Variants in ADPGK observed in about 807,000 individuals in gnomAD.
The protein encoded by ADPGK is ADP-dependent glucokinase.
Under a neutral mutation model 42.4 loss-of-function variants are expected in ADPGK, and 26 were observed. The observed-to-expected ratio is 0.61, with a 90% CI of 0.45 to 0.85. The LOEUF (loss-of-function observed/expected upper bound fraction) is 0.85, where lower values mean the gene tolerates loss of function less well. Among genes scored for constraint, ADPGK ranks in the 40% least tolerant of loss-of-function variants. ADPGK has a pLI of 0.00. For missense variants in ADPGK, 571 were observed against 627.0 expected, an observed-to-expected ratio of 0.91 and a Z score of 0.95; for synonymous variants, 267 against 252.6, an observed-to-expected ratio of 1.06 and a Z score of -0.54.
chr15:72,759,080 G>A (rs908831545), intron 4 of ADPGK, among the ~76,000 whole-genome samples: 3 of 152,164 alleles, frequency 2.0e-5, no homozygotes, highest in African/African-American at 7.2e-5. Context: ...TGGGATTATA[G>A]GCGCCCGCCT....
In ADPGK at chr15:72,755,783, C is replaced by T. The variant is rs575652325; in HGVS notation, c.841-129G>A. 15 of 711,682 alleles carry T rather than the reference C, an allele frequency of 2.1e-5. No individual in the cohort carries two copies. The East Asian group carries it at 4.1e-4, about 20-fold the overall frequency. The allele number at this position is 711,682 out of a possible 1,614,324, so 44.1% of individuals were successfully genotyped here. On this transcript the variant is annotated intron_variant, in intron 5 of 6. Coordinates refer to ENST00000456471, the MANE Select transcript of ADPGK (RefSeq NM_001365225.1). ...CTTCTTTGCATGCTCACGGGAGCTA[C>T]AAGCAATGTGGGTCCCCACCACCTC...
At position 72,752,313 on chromosome 15, in the gene ADPGK, C is replaced by A; in HGVS notation, c.*28G>T. Reference sequence around the variant, plus strand: ...TTCTTAAGTTGGCTAGTTCTCCTTCCTCAGAAAAATTACCCCTAAGAATCT... The same window carrying A: ...TTCTTAAGTTGGCTAGTTCTCCTTCATCAGAAAAATTACCCCTAAGAATCT... On this transcript the variant is annotated 3_prime_UTR_variant, in exon 7 of 7. Coordinates refer to ENST00000456471, the MANE Select transcript of ADPGK (RefSeq NM_001365225.1). 1 of 1,570,380 alleles carries A rather than the reference C, an allele frequency of 6.4e-7. No homozygotes were observed. Among genetic ancestry groups the A allele is most frequent in the Non-Finnish European group, 8.6e-7 (1 of 1,156,892 alleles).
chr15:72,758,962 G>A (rs551598584), intron 4 of ADPGK, among the ~76,000 whole-genome samples: 17 of 152,178 alleles, frequency 1.1e-4, no homozygotes, highest in Admixed American at 3.3e-4. Context: ...TTTTTGAGAC[G>A]GAGTCTCGCT....
intron 1 of ADPGK, among the ~76,000 whole-genome samples, chr15:72,781,992 G>T (rs930601922): frequency 1.3e-5 from 2 of 152,290 alleles, no homozygotes; most frequent in African/African-American, 4.8e-5. Context: ...AGGCCACATC[G>T]GAAGCCAATC....
chr15:72,770,535 C>T (rs2066316200), intron 3 of ADPGK, among the ~76,000 whole-genome samples: 1 of 152,168 alleles, frequency 6.6e-6, no homozygotes, highest in Non-Finnish European at 1.5e-5. Flanking sequence ...CTCTAAAGGG[C>T]TTATGATCAA....
intron 3 of ADPGK, among the ~76,000 whole-genome samples, chr15:72,761,828 A>G (rs1356619512): frequency 6.6e-6 from 1 of 151,846 alleles, no homozygotes; most frequent in Non-Finnish European, 1.5e-5. Context: ...CCTCCCGAGT[A>G]GCTGGGACTA....
At chr15:72,780,385 C>T (rs1468844976) in intron 1 of ADPGK, among the ~76,000 whole-genome samples, 5 of 152,238 alleles carry the variant, frequency 3.3e-5, no homozygotes, top group African/African-American at 4.8e-5. Flanking sequence ...ATGGGGGAAC[C>T]GCCCCCATGA....
At chr15:72,752,968 G>C in intron 6 of ADPGK, 73 bp from the exon 7 acceptor site, 3 of 1,428,214 alleles carry the variant, frequency 2.1e-6, no homozygotes, top group Non-Finnish European at 2.8e-6. Flanking sequence ...GACACAGCCA[G>C]TGACTAAATG....
chr15:72,782,841 A>G (rs1313067332), intron 1 of ADPGK: 1 of 152,288 alleles, frequency 6.6e-6, no homozygotes, highest in Non-Finnish European at 1.5e-5. Context: ...AAGGAAAAGT[A>G]CAAAGAAAGG....
chr15:72,761,942 G>A (rs1174648546), intron 3 of ADPGK, among the ~76,000 whole-genome samples: 3 of 152,036 alleles, frequency 2.0e-5, no homozygotes, highest in Non-Finnish European at 2.9e-5. Context: ...CACAATCTCG[G>A]CTCACTGCAA....
At chr15:72,761,908 C>T (rs866617884) in intron 3 of ADPGK, among the ~76,000 whole-genome samples, 1 of 151,696 alleles carries the variant, frequency 6.6e-6, no homozygotes, top group African/African-American at 2.4e-5. Flanking sequence ...AGTCTCACTC[C>T]GTCACCAGGC....
Position 72,774,940 on chromosome 15 carries a change from G to A in ADPGK, c.391C>T (p.Arg131Cys), listed in dbSNP as rs968556047. Reference protein sequence around the residue: ...HFMGKGAAAERFFSDKETFHD... With the variant: ...HFMGKGAAAECFFSDKETFHD... Reference sequence around the variant, plus strand: ...AAAGTTTCCTTATCACTGAAGAAGCGCTCAGCAGCTGCTCCCTTCCCCATG... The same window carrying A: ...AAAGTTTCCTTATCACTGAAGAAGCACTCAGCAGCTGCTCCCTTCCCCATG... Residue 131 changes from arginine (R) to cysteine (C), a missense_variant, in exon 2 of 7, where the codon CGC (arginine) becomes TGC (cysteine). Transcript: ENST00000456471. 1.2e-6 allele frequency: 2 copies of A among 1,614,142 alleles called. No individual in the cohort carries two copies. Among genetic ancestry groups the A allele is most frequent in the Non-Finnish European group, 8.5e-7 (1 of 1,180,038 alleles).
intron 1 of ADPGK, chr15:72,783,118 A>G: frequency 1.3e-6 from 1 of 749,692 alleles, no homozygotes; most frequent in Non-Finnish European, 1.7e-6. Context: ...GGGTAAGGTC[A>G]AGTATCTTTG....
chr15:72,773,136 G>T (rs1361296943), intron 2 of ADPGK, among the ~76,000 whole-genome samples: 1 of 151,910 alleles, frequency 6.6e-6, no homozygotes, highest in Non-Finnish European at 1.5e-5. Context: ...GGGTGGGGGG[G>T]AGGTTAAATC....
chr15:72,754,295 C>T (rs1027746505), intron 6 of ADPGK, among the ~76,000 whole-genome samples: 27 of 152,132 alleles, frequency 1.8e-4, no homozygotes, highest in African/African-American at 5.1e-4. Flanking sequence ...GTTCTGGAAC[C>T]GCCCCCGCCG....
chr15:72,754,684 T>G (rs112313439), intron 6 of ADPGK, among the ~76,000 whole-genome samples: 2 of 152,172 alleles, frequency 1.3e-5, no homozygotes, highest in Non-Finnish European at 2.9e-5. Context: ...CGGAGGTACA[T>G]CTACACATTC....
At chr15:72,761,343 C>T (rs927749233) in intron 3 of ADPGK, among the ~76,000 whole-genome samples, 2 of 152,162 alleles carry the variant, frequency 1.3e-5, no homozygotes, top group Non-Finnish European at 2.9e-5. Flanking sequence ...TCTGGATCAC[C>T]ATATCCTCAA....
At chr15:72,782,538 A>AAAC (rs1209208475) in intron 1 of ADPGK, among the ~76,000 whole-genome samples, 1 of 150,808 alleles carries the variant, frequency 6.6e-6, no homozygotes, top group Non-Finnish European at 1.5e-5. Context: ...AAAAAAAAAA[A>AAAC]AAAAAAAAAA....
At position 72,756,244 on chromosome 15, in the gene ADPGK, C is replaced by T. The variant is rs1382821109; in HGVS notation, c.840+7G>A. On this transcript the variant is annotated splice_region_variant and intron_variant, in intron 5 of 6. Transcript: ENST00000456471. ...AGATCTGTGAAATTCTGTAACAGTG[C>T]CATTACCTCCAAGAGTCTCTTCCTC... The T allele has an allele frequency of 1.9e-6, 3 of 1,613,794 alleles. No individual in the cohort carries two copies. Among genetic ancestry groups the T allele is most frequent in the Non-Finnish European group, 2.5e-6 (3 of 1,179,760 alleles).
Sources: gnomAD v4.1 joint callset for allele counts (sites outside exome capture counted in the v4.1 genomes callset) on GRCh38, gnomAD v4.1.1 for gene constraint, MANE v1.5 for transcripts, NCBI Gene and HGNC (gene_info 2026-07-23, HGNC 2026-07-21) for gene names.